ZNF469: variants seen among roughly 807,000 people sequenced by gnomAD.
ZNF469 encodes zinc finger protein 469.
A neutral mutation model predicts 1.0 loss-of-function variants in ZNF469; 1 was observed. The observed-to-expected ratio is 1.00, with a 90% CI of 0.35 to 4.73. ZNF469 has a LOEUF of 4.73. ZNF469 is among the 30% of genes most tolerant of loss of function. The pLI is 0.16. For synonymous variants in ZNF469, 2,703 were observed against 2,363.4 expected (o/e 1.14, Z -4.17); for missense variants, 6,100 against 5,356.3 (o/e 1.14, Z -4.33).
chr16:88,286,870 C>T, the ZNF469 span, among the ~76,000 whole-genome samples: 4 of 152,164 alleles, frequency 2.6e-5, no homozygotes, highest in Admixed American at 6.5e-5. Context: ...CTGAGGCCCT[C>T]GACTCCCAGA....
chr16:88,203,797 G>A, the ZNF469 span, among the ~76,000 whole-genome samples: 3 of 152,038 alleles, frequency 2.0e-5, no homozygotes, highest in East Asian at 5.8e-4. Flanking sequence ...TGGATTTAGG[G>A]CCCACCCTAC....
chr16:88,130,337 G>A, the ZNF469 span, among the ~76,000 whole-genome samples: 9 of 152,256 alleles, frequency 5.9e-5, no homozygotes, highest in South Asian at 1.9e-3. Context: ...GCCAAAACGT[G>A]ATATCGGCGT....
the ZNF469 span, among the ~76,000 whole-genome samples, chr16:88,277,232 G>C: frequency 2.1e-5 from 3 of 143,836 alleles, no homozygotes; most frequent in Non-Finnish European, 4.6e-5. Context: ...GTGCCACACC[G>C]ACGCTCAGTC....
At chr16:88,348,453 C>T in the ZNF469 span, among the ~76,000 whole-genome samples, 1 of 152,210 alleles carries the variant, frequency 6.6e-6, no homozygotes, top group Non-Finnish European at 1.5e-5. Flanking sequence ...ACCAACAGGT[C>T]CCCAGGGTTG....
At chr16:88,160,477 C>G in the ZNF469 span, among the ~76,000 whole-genome samples, 14 of 152,218 alleles carry the variant, frequency 9.2e-5, no homozygotes, top group Non-Finnish European at 1.9e-4. Flanking sequence ...ACTTTGCACT[C>G]TGACCTCGTG....
chr16:88,104,876 C>A, the ZNF469 span, among the ~76,000 whole-genome samples: 1 of 152,012 alleles, frequency 6.6e-6, no homozygotes, highest in Non-Finnish European at 1.5e-5. Context: ...AGTGTGTGGA[C>A]CTCTGGTTAT....
the ZNF469 span, among the ~76,000 whole-genome samples, chr16:88,162,954 G>T: frequency 6.6e-6 from 1 of 152,360 alleles, no homozygotes; most frequent in African/African-American, 2.4e-5. Context: ...TGGATGGACG[G>T]ATGGTTGGGG....
chr16:88,343,619 G>C, the ZNF469 span, among the ~76,000 whole-genome samples: 14 of 152,088 alleles, frequency 9.2e-5, no homozygotes, highest in Non-Finnish European at 1.9e-4. Flanking sequence ...CTTGCTGGTG[G>C]GGACTCTGCA....
chr16:88,350,253 C>A, the ZNF469 span, among the ~76,000 whole-genome samples: 2 of 152,262 alleles, frequency 1.3e-5, no homozygotes, highest in Admixed American at 1.3e-4. Context: ...CAGCACTGCC[C>A]TCCTGTCCCA....
intron 1 of ZNF469, among the ~76,000 whole-genome samples, chr16:88,405,011 G>T (rs531727499): frequency 6.6e-6 from 1 of 152,306 alleles, no homozygotes; most frequent in South Asian, 2.1e-4. Flanking sequence ...TCAGCATGAG[G>T]ATCCAGTCTA....
At chr16:88,326,499 G>A in the ZNF469 span, among the ~76,000 whole-genome samples, 3 of 152,226 alleles carry the variant, frequency 2.0e-5, no homozygotes, top group Non-Finnish European at 4.4e-5. Context: ...TGCAGCTTCT[G>A]CTGCTCCTGG....
chr16:88,355,919 G>A, the ZNF469 span, among the ~76,000 whole-genome samples: 5 of 151,408 alleles, frequency 3.3e-5, no homozygotes, highest in East Asian at 5.9e-4. Flanking sequence ...GGGGCATGCC[G>A]TGGGGGTCCT....
chr16:88,308,991 C>A, the ZNF469 span, among the ~76,000 whole-genome samples: 7 of 152,170 alleles, frequency 4.6e-5, no homozygotes, highest in Non-Finnish European at 8.8e-5. Context: ...CCCTGCTGAG[C>A]CACCGTGCAA....
rs909317461 is a variant in ZNF469, at chr16:88,428,698, G to T, written c.1228G>T (p.Ala410Ser). ...SLPQRHFPGQ[A>S]YRASGVDTSP... is the part of the protein sequence containing the mutation. ...ACCCCAGAGGCACTTTCCAGGGCAG[G>T]CGTACAGAGCCAGTGGGGTGGACAC... The change falls in exon 3 of 3, where the codon GCG becomes TCG. Residue 410 changes from alanine to serine, a missense_variant. Transcript: ENST00000565624. The T allele has an allele frequency of 1.9e-6, 3 of 1,549,208 alleles. No homozygotes were observed. The highest frequency in any genetic ancestry group is 2.6e-6 in the Non-Finnish European group (3 of 1,146,782).
Position 88,435,749 on chromosome 16 carries a change from A to G in ZNF469, c.8279A>G (p.Glu2760Gly). The change falls in exon 3 of 3, where the codon GAG becomes GGG. Residue 2760 changes from glutamate to glycine, a missense_variant. Transcript: ENST00000565624. Reference protein sequence around the residue: ...ASARGFWGPRETKALGVCKES... With the variant: ...ASARGFWGPRGTKALGVCKES... The stretch of plus-strand genomic sequence containing the variant: ...GCAAGGGGGTTCTGGGGACCAAGAG[A>G]GACCAAGGCGTTGGGTGTGTGCAAA... 1 of 1,550,816 alleles carries G rather than the reference A, an allele frequency of 6.4e-7. No homozygotes were observed. Among genetic ancestry groups the G allele is most frequent in the Non-Finnish European group, 8.7e-7 (1 of 1,146,990 alleles).
chr16:88,431,536 C>T lies in ZNF469; in HGVS notation c.4066C>T (p.Pro1356Ser). The change falls in exon 3 of 3, where the codon CCT becomes TCT. Residue 1356 changes from proline (P) to serine (S), a missense_variant. Transcript: ENST00000565624. ...SSKISSFGCD[P>S]AGFNRDPLGV... ...AAAGATCTCCAGTTTTGGCTGTGAC[C>T]CTGCTGGTTTTAACAGAGACCCCTT... 2 of 1,550,438 alleles carry T rather than the reference C, an allele frequency of 1.3e-6. No individual in the cohort carries two copies. Among genetic ancestry groups the T allele is most frequent in the South Asian group, 1.2e-5 (1 of 84,062 alleles).
the ZNF469 span, among the ~76,000 whole-genome samples, chr16:88,125,459 G>T: frequency 2.0e-5 from 3 of 152,216 alleles, no homozygotes; most frequent in Non-Finnish European, 4.4e-5. Flanking sequence ...CAGCATGTCG[G>T]TTTCTACAAA....
At chr16:88,358,998 G>A in the ZNF469 span, among the ~76,000 whole-genome samples, 1 of 152,198 alleles carries the variant, frequency 6.6e-6, no homozygotes, top group Non-Finnish European at 1.5e-5. Context: ...GGGAGCATAA[G>A]TGTTCACTCA....
At chr16:88,165,844 A>C in the ZNF469 span, among the ~76,000 whole-genome samples, 1 of 151,310 alleles carries the variant, frequency 6.6e-6, no homozygotes, top group Non-Finnish European at 1.5e-5. Flanking sequence ...GCCTCCAGGA[A>C]CCTCGCGTAA....
Sources: allele counts gnomAD v4.1 joint callset (sites outside exome capture counted in the v4.1 genomes callset), GRCh38; gene constraint gnomAD v4.1.1; transcripts MANE v1.5; gene names NCBI Gene and HGNC (gene_info 2026-07-23, HGNC 2026-07-21).